CELF5: variants seen among roughly 807,000 people sequenced by gnomAD.
CELF5 encodes the protein CUG-BP and ETR-3 like factor 5.
CELF5 carries 6 observed loss-of-function variants against 54.9 expected under a neutral mutation model. That is an observed-to-expected ratio of 0.11 (90% CI 0.06 to 0.22). The LOEUF is 0.22. CELF5 is among the 10% of genes least tolerant of loss of function. CELF5 has a pLI of 1.00. For missense variants in CELF5, 401 were observed against 678.6 expected, an observed-to-expected ratio of 0.59 and a Z score of 4.54; for synonymous variants, 271 against 290.9, an observed-to-expected ratio of 0.93 and a Z score of 0.70.
Position 3,278,330 on chromosome 19 carries a change from C to T in CELF5, c.603+220C>T, listed in dbSNP as rs749016818. Among the ~76,000 whole-genome samples the T allele has an allele frequency of 3.3e-5, 5 of 151,838 alleles. No homozygotes were observed. Among genetic ancestry groups the T allele is most frequent in the Middle Eastern group, 3.4e-3 (1 of 294 alleles). On this transcript the variant is annotated intron_variant, in intron 5 of 12. Transcript: ENST00000292672. This position sits in a 1 kb window ranked among gnomAD's most constrained non-coding sequence, Gnocchi z 4.5. ...GCAGATGTGGAGGTGAGTAGGCAAG[C>T]GAAGTGTATGTGTGTGCATGGATGT...
intron 1 of CELF5, among the ~76,000 whole-genome samples, chr19:3,248,281 A>G (rs545592550): frequency 2.0e-5 from 3 of 152,148 alleles, no homozygotes; most frequent in African/African-American, 7.2e-5. Flanking sequence ...TTGGCCTCCT[A>G]AAGTGCTGGG....
chr19:3,230,486 G>A (rs1917203878), intron 1 of CELF5, among the ~76,000 whole-genome samples: 1 of 152,250 alleles, frequency 6.6e-6, no homozygotes, highest in South Asian at 2.1e-4. Flanking sequence ...CTGGAGGCAT[G>A]AAGAATTTGC....
At position 3,282,809 on chromosome 19, in the gene CELF5, G is replaced by A. The variant is rs1454708708; in HGVS notation, c.1039+311G>A. On this transcript the variant is annotated intron_variant, in intron 8 of 12. Coordinates refer to ENST00000292672, the MANE Select transcript of CELF5 (RefSeq NM_021938.4). This position sits in a 1 kb window ranked among gnomAD's most constrained non-coding sequence, Gnocchi z 5.2. ...GGGGCAGATAACATCAGTAGCCTCA[G>A]AGGGTTGCATTGACAATTTAATCTG... is the stretch of plus-strand genomic sequence containing the variant. Among the ~76,000 whole-genome samples, 2 of 152,206 alleles carry A rather than the reference G, an allele frequency of 1.3e-5. No homozygotes were observed. Among genetic ancestry groups the A allele is most frequent in the Non-Finnish European group, 2.9e-5 (2 of 68,042 alleles).
chr19:3,252,576 C>T (rs1056788006), intron 2 of CELF5, among the ~76,000 whole-genome samples: 2 of 152,128 alleles, frequency 1.3e-5, no homozygotes, highest in Non-Finnish European at 2.9e-5. Context: ...TCAGGGCATT[C>T]GTAGCCTTCG....
chr19:3,284,711 T>C (rs2080204800), intron 8 of CELF5, 191 bp from the exon 9 acceptor site: 3 of 593,440 alleles, frequency 5.1e-6, no homozygotes, highest in Non-Finnish European at 9.3e-6. Flanking sequence ...CTTCTGCCAT[T>C]TGCTATCTGA....
chr19:3,293,294 C>T (rs765478138), intron 11 of CELF5, 25 bp from the exon 12 acceptor site: 12 of 1,613,338 alleles, frequency 7.4e-6, no homozygotes, highest in African/African-American at 1.3e-5. Flanking sequence ...GCGCCAACCA[C>T]GGAGGTCCAC....
intron 1 of CELF5, among the ~76,000 whole-genome samples, chr19:3,249,502 T>A (rs557612367): frequency 6.6e-6 from 1 of 150,810 alleles, no homozygotes; most frequent in South Asian, 2.1e-4. Context: ...GCCCCTCGCT[T>A]CCCACCCTCC....
intron 2 of CELF5, among the ~76,000 whole-genome samples, chr19:3,266,465 C>T (rs1456248891): frequency 2.0e-5 from 3 of 151,986 alleles, no homozygotes; most frequent in Non-Finnish European, 2.9e-5. Flanking sequence ...GAAAGAATCA[C>T]GTGTGTTGCT....
intron 1 of CELF5, among the ~76,000 whole-genome samples, chr19:3,247,287 C>T (rs1270564447): frequency 5.3e-5 from 8 of 152,010 alleles, no homozygotes; most frequent in East Asian, 3.9e-4. Flanking sequence ...CCACCACGCC[C>T]GACTAATTTT....
At chr19:3,272,555 C>T (rs2079984548) in intron 2 of CELF5, among the ~76,000 whole-genome samples, 1 of 152,144 alleles carries the variant, frequency 6.6e-6, no homozygotes, top group Non-Finnish European at 1.5e-5. Context: ...GCACTCATTC[C>T]CATTCCAGAC....
At chr19:3,286,548 C>T (rs1287349358) in intron 10 of CELF5, 1 of 152,746 alleles carries the variant, frequency 6.5e-6, no homozygotes, top group East Asian at 1.9e-4. Flanking sequence ...ACCAGCCTGG[C>T]TTAGCAAGAC....
chr19:3,288,717 G>A (rs1007708733), intron 10 of CELF5, among the ~76,000 whole-genome samples: 3 of 152,096 alleles, frequency 2.0e-5, no homozygotes, highest in Non-Finnish European at 4.4e-5. Context: ...GCATGGTGGT[G>A]CGTGCCTGTG....
chr19:3,284,803 G>T, intron 8 of CELF5, 99 bp from the exon 9 acceptor site: 1 of 1,013,726 alleles, frequency 9.9e-7, no homozygotes, highest in Non-Finnish European at 1.5e-6. Context: ...GAGAAGCTGG[G>T]CGGGGTGTTT....
chr19:3,229,765 G>A (rs901570529), intron 1 of CELF5, among the ~76,000 whole-genome samples: 7 of 152,162 alleles, frequency 4.6e-5, no homozygotes, highest in African/African-American at 1.4e-4. Flanking sequence ...GCTGAGGCCC[G>A]AAGCGTGAGG....
In CELF5 at chr19:3,275,351, C is replaced by A. The variant is rs908710625; in HGVS notation, c.395-505C>A. Among the ~76,000 whole-genome samples, 10 of 152,358 alleles carry A rather than the reference C, an allele frequency of 6.6e-5. No individual in the cohort carries two copies. Among genetic ancestry groups the A allele is most frequent in the African/African-American group, 1.9e-4 (8 of 41,596 alleles). ...TGGTGACTGCCTGGCCCCTCTTGAT[C>A]CCGACAAAGTTGGGCAGGGGCCTCT... On this transcript the variant is annotated intron_variant, in intron 3 of 12. Coordinates refer to ENST00000292672, the MANE Select transcript of CELF5 (RefSeq NM_021938.4). This position sits in a 1 kb window ranked among gnomAD's most constrained non-coding sequence, Gnocchi z 6.7.
intron 5 of CELF5, among the ~76,000 whole-genome samples, chr19:3,280,040 C>G (rs2080121461): frequency 6.6e-6 from 1 of 152,206 alleles, no homozygotes; most frequent in Non-Finnish European, 1.5e-5. Flanking sequence ...GGACCTGTTG[C>G]AGCATCCTGA....
At chr19:3,288,196 G>C (rs1308238331) in intron 10 of CELF5, among the ~76,000 whole-genome samples, 1 of 152,146 alleles carries the variant, frequency 6.6e-6, no homozygotes, top group Non-Finnish European at 1.5e-5. Context: ...GCTCAAAATT[G>C]TTCAGTTACA....
chr19:3,238,076 G>A (rs547737519), intron 1 of CELF5, among the ~76,000 whole-genome samples: 3 of 151,874 alleles, frequency 2.0e-5, no homozygotes, highest in East Asian at 3.9e-4. Flanking sequence ...TAACTTGGCC[G>A]GGCGCCATGG....
rs761057723 is a variant in CELF5, at chr19:3,257,789, A to T, written c.342+6722A>T. On this transcript the variant is annotated intron_variant, in intron 2 of 12. Coordinates refer to ENST00000292672, the MANE Select transcript of CELF5 (RefSeq NM_021938.4). ...CCATGCCCAGCCTCCATTTTTTTTT[A>T]TTTATTTATTTATTTATTTATTTAT... is the stretch of plus-strand genomic sequence containing the variant. 2.7e-3 allele frequency among the ~76,000 whole-genome samples: 184 copies of T among 69,120 alleles called. 1 individual carries two copies. Among genetic ancestry groups the T allele is most frequent in the Middle Eastern group, 8.8e-3 (1 of 114 alleles). The allele number at this position is 69,120 out of a possible 152,430, so 45.3% of individuals were successfully genotyped here. A position where few individuals can be genotyped will look rare whatever the true frequency, so the allele number is the denominator to read the frequency against.
Sources: allele counts gnomAD v4.1 joint callset (sites outside exome capture counted in the v4.1 genomes callset), GRCh38; gene constraint gnomAD v4.1.1; non-coding constraint Gnocchi (gnomAD v3.1); transcripts MANE v1.5; gene names NCBI Gene and HGNC (gene_info 2026-07-23, HGNC 2026-07-21).